LRP1B: variants seen among roughly 807,000 people sequenced by gnomAD.
The protein encoded by LRP1B is LDL receptor related protein 1B.
In LRP1B, 217 loss-of-function variants were observed where a neutral mutation model predicts 556.6. That is an observed-to-expected ratio of 0.39 (90% CI 0.35 to 0.44). The LOEUF is 0.44. Among genes scored for constraint, LRP1B ranks in the 20% least tolerant of loss-of-function variants. The pLI, the probability that LRP1B is intolerant of heterozygous loss-of-function variation, is 1.00. For missense variants in LRP1B, 5,053 were observed against 5,620.8 expected, an observed-to-expected ratio of 0.90 and a Z score of 3.23; for synonymous variants, 2,047 against 1,865.8, an observed-to-expected ratio of 1.10 and a Z score of -2.50.
At chr2:141,776,348 T>C (rs918320320) in intron 2 of LRP1B, among the ~76,000 whole-genome samples, 2 of 152,204 alleles carry the variant, frequency 1.3e-5, no homozygotes, top group African/African-American at 4.8e-5. Flanking sequence ...CCATATTGCA[T>C]GAGGCATTTT....
chr2:140,765,100 G>T (rs1456280544), intron 35 of LRP1B, among the ~76,000 whole-genome samples: 1 of 151,938 alleles, frequency 6.6e-6, no homozygotes, highest in Non-Finnish European at 1.5e-5. Flanking sequence ...AAGTGCTAGG[G>T]TTACAGGTAT....
At chr2:140,741,744 T>C (rs951898372) in intron 35 of LRP1B, among the ~76,000 whole-genome samples, 5 of 151,362 alleles carry the variant, frequency 3.3e-5, no homozygotes, top group African/African-American at 1.2e-4. Context: ...TATTTGGTTT[T>C]CTGTTTCTGC....
intron 1 of LRP1B, among the ~76,000 whole-genome samples, chr2:141,837,962 A>C (rs1697343017): frequency 6.6e-6 from 1 of 152,166 alleles, no homozygotes; most frequent in African/African-American, 2.4e-5. Flanking sequence ...AAATACAGTC[A>C]AGGAAAACTA....
intron 1 of LRP1B, among the ~76,000 whole-genome samples, chr2:142,088,132 T>C (rs964714836): frequency 6.6e-6 from 1 of 152,102 alleles, no homozygotes; most frequent in African/African-American, 2.4e-5. Flanking sequence ...TCTGTTTCCA[T>C]TGAAAAATAA....
chr2:141,195,190 C>T (rs1379014648), intron 6 of LRP1B, among the ~76,000 whole-genome samples: 2 of 152,078 alleles, frequency 1.3e-5, no homozygotes, highest in South Asian at 2.1e-4. Flanking sequence ...GGATCACTCA[C>T]TCTGGTGGAA....
chr2:141,143,224 C>T (rs1043630379), intron 7 of LRP1B, among the ~76,000 whole-genome samples: 22 of 152,224 alleles, frequency 1.4e-4, no homozygotes, highest in African/African-American at 5.1e-4. Context: ...CCACCGCACC[C>T]AGAGATCATC....
intron 41 of LRP1B, among the ~76,000 whole-genome samples, chr2:140,680,408 G>T (rs532914035): frequency 3.3e-5 from 5 of 152,148 alleles, no homozygotes; most frequent in African/African-American, 1.2e-4. Context: ...GAGAAAAAGC[G>T]GCTGGGTGGG....
At chr2:140,381,862 A>C (rs1683510999) in intron 67 of LRP1B, among the ~76,000 whole-genome samples, 1 of 78,898 alleles carries the variant, frequency 1.3e-5, no homozygotes, top group Admixed American at 1.2e-4. Flanking sequence ...GCTCCCTTTC[A>C]AAAAAAAAAA....
intron 41 of LRP1B, among the ~76,000 whole-genome samples, chr2:140,628,841 C>T (rs543709478): frequency 1.3e-5 from 2 of 152,116 alleles, no homozygotes; most frequent in Admixed American, 6.5e-5. Flanking sequence ...AATGAGTTCT[C>T]ATGAGATCTG....
rs575091575 is a variant in LRP1B, at chr2:141,621,709, C to T, written c.206-141176G>A. 3.9e-4 allele frequency among the ~76,000 whole-genome samples: 59 copies of T among 152,160 alleles called. No homozygotes were observed. The East Asian group carries it at 9.9e-3, about 25-fold the overall frequency. ...AGGCAGAAAATGAAATAGTCTCTCCCGCAATTTTGTCAGAGATATTTCTTT... is the reference window on the plus strand; with the variant it reads ...AGGCAGAAAATGAAATAGTCTCTCCTGCAATTTTGTCAGAGATATTTCTTT... On this transcript the variant is annotated intron_variant, in intron 2 of 90. Coordinates refer to ENST00000389484, the MANE Select transcript of LRP1B (RefSeq NM_018557.3).
intron 35 of LRP1B, among the ~76,000 whole-genome samples, chr2:140,729,912 T>G (rs946247068): frequency 2.0e-5 from 3 of 152,216 alleles, no homozygotes; most frequent in African/African-American, 4.8e-5. Flanking sequence ...AGATTCAACA[T>G]GTCACTAAAT....
At chr2:140,422,742 G>A (rs1361058083) in intron 66 of LRP1B, among the ~76,000 whole-genome samples, 1 of 152,142 alleles carries the variant, frequency 6.6e-6, no homozygotes, top group African/African-American at 2.4e-5. Context: ...AGCAGTAATT[G>A]TTTATTTGTT....
At chr2:140,936,147 C>T (rs1203909270) in intron 20 of LRP1B, among the ~76,000 whole-genome samples, 1 of 151,192 alleles carries the variant, frequency 6.6e-6, no homozygotes, top group Non-Finnish European at 1.5e-5. Context: ...CGAGACCAGC[C>T]TGATCAACGT....
chr2:141,434,081 A>AT (rs1192386648), intron 3 of LRP1B, among the ~76,000 whole-genome samples: 1 of 150,460 alleles, frequency 6.6e-6, no homozygotes, highest in Non-Finnish European at 1.5e-5. Context: ...TTCTCTTTGC[A>AT]TTTTTCCTAC....
At position 141,702,941 on chromosome 2, in the gene LRP1B, C is replaced by T. The variant is rs140559522; in HGVS notation, c.205+107338G>A. ...ATTTCTCCTTTAATCAAGGGATTTACATAAGTGAGCTCATTAAAAGAAAGT... is the reference window on the plus strand; with the variant it reads ...ATTTCTCCTTTAATCAAGGGATTTATATAAGTGAGCTCATTAAAAGAAAGT... On this transcript the variant is annotated intron_variant, in intron 2 of 90. Transcript: ENST00000389484. Among the ~76,000 whole-genome samples the T allele has an allele frequency of 1.4e-3, 206 of 151,954 alleles. 2 individuals are homozygous for T. The highest frequency in any genetic ancestry group is 4.5e-3 in the African/African-American group (186 of 41,516).
At chr2:140,980,745 C>G (rs1481697924) in intron 18 of LRP1B, among the ~76,000 whole-genome samples, 4 of 152,136 alleles carry the variant, frequency 2.6e-5, no homozygotes, top group African/African-American at 9.7e-5. Context: ...TACTGGGTAT[C>G]TACCCAAAGG....
intron 1 of LRP1B, among the ~76,000 whole-genome samples, chr2:141,962,188 A>T (rs1411496382): frequency 6.6e-6 from 1 of 151,708 alleles, no homozygotes; most frequent in Non-Finnish European, 1.5e-5. Context: ...TTAATAGTTC[A>T]CTCTGAAGTA....
intron 20 of LRP1B, among the ~76,000 whole-genome samples, chr2:140,933,196 T>A (rs953081690): frequency 2.6e-5 from 4 of 151,948 alleles, no homozygotes; most frequent in African/African-American, 9.7e-5. Flanking sequence ...AGTGCAGGAA[T>A]ATAATATCTA....
intron 2 of LRP1B, among the ~76,000 whole-genome samples, chr2:141,802,179 C>A (rs1426435585): frequency 6.6e-6 from 1 of 152,082 alleles, no homozygotes; most frequent in African/African-American, 2.4e-5. Flanking sequence ...TTTTTGCTTT[C>A]TTCTTTGCTG....
Sources: allele counts gnomAD v4.1 joint callset (sites outside exome capture counted in the v4.1 genomes callset), GRCh38; gene constraint gnomAD v4.1.1; transcripts MANE v1.5; gene names NCBI Gene and HGNC (gene_info 2026-07-23, HGNC 2026-07-21).